The following SCD5 variants were observed in gnomAD, a reference collection of about 807,000 sequenced individuals.
The protein encoded by SCD5 is acyl-CoA-desaturase 4.
A neutral mutation model predicts 30.4 loss-of-function variants in SCD5; 20 were observed. The observed-to-expected ratio is 0.66, with a 90% CI of 0.46 to 0.96. The LOEUF (loss-of-function observed/expected upper bound fraction) is 0.96, where lower values mean the gene tolerates loss of function less well. SCD5 is among the 40% of genes least tolerant of loss of function. The pLI is 0.00. For missense variants in SCD5, 381 were observed against 443.3 expected, an observed-to-expected ratio of 0.86 and a Z score of 1.26; for synonymous variants, 173 against 176.4, an observed-to-expected ratio of 0.98 and a Z score of 0.16.
chr4:82,756,340 T>C (rs1437585289), intron 1 of SCD5, among the ~76,000 whole-genome samples: 4 of 152,192 alleles, frequency 2.6e-5, no homozygotes, highest in Admixed American at 2.6e-4. Flanking sequence ...GGAGTTAAAC[T>C]ACACGGCTGT....
chr4:82,770,267 G>A (rs970618904), intron 1 of SCD5, among the ~76,000 whole-genome samples: 1 of 152,056 alleles, frequency 6.6e-6, no homozygotes, highest in African/African-American at 2.4e-5. Flanking sequence ...TCCCACTTAT[G>A]AGTGAGAACA....
At chr4:82,718,141 G>T (rs541726555) in intron 1 of SCD5, among the ~76,000 whole-genome samples, 7 of 150,516 alleles carry the variant, frequency 4.7e-5, no homozygotes, top group Admixed American at 1.3e-4. Flanking sequence ...TGAAGTCCAG[G>T]AATCCAAGGT....
intron 3 of SCD5, among the ~76,000 whole-genome samples, chr4:82,663,974 G>A (rs28717711): frequency 2.0e-5 from 3 of 151,912 alleles, no homozygotes; most frequent in Admixed American, 6.5e-5. Context: ...GCACAGGAGC[G>A]TTGCCTAAGA....
chr4:82,681,405 T>C (rs1329257577), intron 2 of SCD5, among the ~76,000 whole-genome samples: 2 of 152,218 alleles, frequency 1.3e-5, no homozygotes, highest in East Asian at 1.9e-4. Flanking sequence ...GTTTTTATAA[T>C]AGAATGATTT....
intron 3 of SCD5, among the ~76,000 whole-genome samples, chr4:82,651,107 G>T (rs1031930768): frequency 4.6e-5 from 7 of 152,124 alleles, no homozygotes; most frequent in African/African-American, 1.7e-4. Context: ...TGTTGTTTTG[G>T]TTGAAGTCTA....
At chr4:82,753,405 A>G (rs754735991) in intron 1 of SCD5, 1 of 532,516 alleles carries the variant, frequency 1.9e-6, no homozygotes, top group Non-Finnish European at 3.9e-6. Context: ...CAAGGTCATG[A>G]CATAAGCCAG....
At chr4:82,753,305 G>A in intron 1 of SCD5, 1 of 518,592 alleles carries the variant, frequency 1.9e-6, no homozygotes, top group South Asian at 1.4e-5. Flanking sequence ...AAAGCTCCCT[G>A]GGGTGGGGGT....
At chr4:82,786,807 A>C (rs1721999252) in intron 1 of SCD5, among the ~76,000 whole-genome samples, 1 of 151,722 alleles carries the variant, frequency 6.6e-6, no homozygotes, top group African/African-American at 2.4e-5. Context: ...AAAAAAAAAA[A>C]AAAACAAGGC....
intron 2 of SCD5, among the ~76,000 whole-genome samples, chr4:82,683,499 T>C (rs1395950798): frequency 6.6e-6 from 1 of 152,216 alleles, no homozygotes. Context: ...AGATGGCATT[T>C]CCTTGGTTCT....
intron 1 of SCD5, among the ~76,000 whole-genome samples, chr4:82,738,736 A>G (rs902380868): frequency 6.6e-6 from 1 of 152,236 alleles, no homozygotes; most frequent in African/African-American, 2.4e-5. Flanking sequence ...ACTGTAGTAG[A>G]TACAACTACA....
chr4:82,712,970 T>A (rs1042222686), intron 1 of SCD5, among the ~76,000 whole-genome samples: 1 of 152,232 alleles, frequency 6.6e-6, no homozygotes, highest in African/African-American at 2.4e-5. Flanking sequence ...GACTGCAAGC[T>A]GAGAAGCAAA....
intron 3 of SCD5, among the ~76,000 whole-genome samples, chr4:82,643,264 A>G (rs1727579784): frequency 6.6e-6 from 1 of 152,218 alleles, no homozygotes. Context: ...TCCTAGGTAT[A>G]TATCCAAAAG....
At chr4:82,693,160 C>T (rs1455302385) in intron 2 of SCD5, among the ~76,000 whole-genome samples, 1 of 152,130 alleles carries the variant, frequency 6.6e-6, no homozygotes, top group East Asian at 1.9e-4. Flanking sequence ...GGCACCTGTG[C>T]TCTGGGTTTT....
At chr4:82,718,340 A>G (rs6535384) in intron 1 of SCD5, among the ~76,000 whole-genome samples, 88,218 of 151,498 alleles carry the variant, frequency 0.58, 27,226 homozygotes, top group African/African-American at 0.77. Flanking sequence ...TGAAAAGTCC[A>G]GGAAAGCCTC....
At chr4:82,679,056 G>A (rs759034129) in intron 3 of SCD5, among the ~76,000 whole-genome samples, 2 of 151,324 alleles carry the variant, frequency 1.3e-5, no homozygotes, top group African/African-American at 2.4e-5. Flanking sequence ...AAAATTAGCC[G>A]GGCGTGGTGG....
chr4:82,743,146 C>A (rs1720912315), intron 1 of SCD5, among the ~76,000 whole-genome samples: 1 of 152,136 alleles, frequency 6.6e-6, no homozygotes, highest in Admixed American at 6.5e-5. Flanking sequence ...TCAGCTTGGG[C>A]TGGTCATTCT....
chr4:82,672,192 T>C (rs1401449269), intron 3 of SCD5, among the ~76,000 whole-genome samples: 1 of 151,728 alleles, frequency 6.6e-6, no homozygotes, highest in Non-Finnish European at 1.5e-5. Context: ...AGAAAATAAA[T>C]AATAAAAATT....
intron 1 of SCD5, among the ~76,000 whole-genome samples, chr4:82,745,156 CA>C (rs1435553332): frequency 3.9e-5 from 6 of 152,128 alleles, no homozygotes; most frequent in Admixed American, 2.0e-4. Context: ...TGGACCTTGA[CA>C]AAAATCTTCA....
At chr4:82,702,096 A>G (rs1719857364) in intron 2 of SCD5, among the ~76,000 whole-genome samples, 1 of 134,362 alleles carries the variant, frequency 7.4e-6, no homozygotes, top group African/African-American at 2.8e-5. Context: ...AGGATTTTAT[A>G]GCTCCTTATC....
Sources: allele counts gnomAD v4.1 joint callset (sites outside exome capture counted in the v4.1 genomes callset), GRCh38; gene constraint gnomAD v4.1.1; transcripts MANE v1.5; gene names NCBI Gene and HGNC (gene_info 2026-07-23, HGNC 2026-07-21).